The following AKNAD1 variants were observed in gnomAD, a reference collection of about 807,000 sequenced individuals.
The protein encoded by AKNAD1 is protein AKNAD1.
Under a neutral mutation model 90.8 loss-of-function variants are expected in AKNAD1, and 67 were observed. The observed-to-expected ratio is 0.74, with a 90% CI of 0.61 to 0.90. AKNAD1 has a LOEUF of 0.90. Among genes scored for constraint, AKNAD1 ranks in the 40% least tolerant of loss-of-function variants. The pLI is 0.00. For missense variants in AKNAD1, 957 were observed against 975.4 expected (o/e 0.98, Z 0.25); for synonymous variants, 327 against 341.4 (o/e 0.96, Z 0.46).
At chr1:108,841,484 GC>G (rs1315043530) in intron 6 of AKNAD1, among the ~76,000 whole-genome samples, 1 of 152,118 alleles carries the variant, frequency 6.6e-6, no homozygotes, top group African/African-American at 2.4e-5. Context: ...TGTGAAAGAA[GC>G]AAATTACTAT....
At chr1:108,842,365 A>T (rs1490338555) in intron 6 of AKNAD1, among the ~76,000 whole-genome samples, 5 of 152,246 alleles carry the variant, frequency 3.3e-5, no homozygotes, top group Non-Finnish European at 7.3e-5. Context: ...CTTTTAATTT[A>T]TACCAGGAAA....
intron 9 of AKNAD1, among the ~76,000 whole-genome samples, chr1:108,832,813 G>A (rs963739738): frequency 2.6e-5 from 4 of 152,120 alleles, no homozygotes; most frequent in African/African-American, 9.7e-5. Context: ...TTTGGCAAAA[G>A]TTGGAAAAAG....
At chr1:108,857,523 C>T (rs1002610484), upstream of AKNAD1, 2 of 152,612 alleles carry the variant, frequency 1.3e-5, no homozygotes, top group Admixed American at 1.3e-4. Context: ...TTCTTCTATT[C>T]GCTAAGCCCA....
intron 7 of AKNAD1, among the ~76,000 whole-genome samples, chr1:108,835,972 G>A (rs892302607): frequency 6.6e-6 from 1 of 152,166 alleles, no homozygotes; most frequent in African/African-American, 2.4e-5. Context: ...GCATCTTGAG[G>A]GCAGGTGATT....
chr1:108,832,334 C>T (rs1375612998), intron 9 of AKNAD1, among the ~76,000 whole-genome samples: 1 of 151,620 alleles, frequency 6.6e-6, no homozygotes, highest in East Asian at 1.9e-4. Flanking sequence ...ATTCTCCCAC[C>T]TCAGCCTCCC....
chr1:108,836,534 C>T (rs895474127), intron 7 of AKNAD1, among the ~76,000 whole-genome samples: 2 of 152,152 alleles, frequency 1.3e-5, no homozygotes, highest in African/African-American at 2.4e-5. Flanking sequence ...AATGACCTGA[C>T]GCTAGAGCTG....
chr1:108,845,774 G>A (rs943666671), intron 5 of AKNAD1, among the ~76,000 whole-genome samples: 2 of 152,160 alleles, frequency 1.3e-5, no homozygotes, highest in African/African-American at 4.8e-5. Context: ...TGTTGGACAA[G>A]GTAGAGTTTG....
rs1280445947 is a variant in AKNAD1 at position 108,852,339 on chromosome 1, A to C, written c.326T>G (p.Ile109Ser). ...AAGATGATGAAGTAAAATATCAGAA[A>C]TGCTTGACTTAGAAGCGTCTCCTTC... ...ANEGDASKSSISDILLHHLSK... is the reference protein window; with the variant it reads ...ANEGDASKSSSSDILLHHLSK... The change falls in exon 2 of 16, where the codon ATT becomes AGT. Residue 109 changes from isoleucine (I) to serine (S), a missense_variant. Physicochemically the swap from Ile to Ser is moderately radical, Grantham distance 142 (BLOSUM62 -2). Transcript: ENST00000370001. 6.2e-7 allele frequency: 1 copy of C among 1,614,168 alleles called. No homozygotes were observed. The highest frequency in any genetic ancestry group is 8.5e-7 in the Non-Finnish European group (1 of 1,180,018).
chr1:108,823,279 G>A, intron 13 of AKNAD1, 91 bp downstream of exon 13: 2 of 1,048,194 alleles, frequency 1.9e-6, no homozygotes, highest in Non-Finnish European at 3.0e-6. Context: ...GGGCTTCCCA[G>A]ATGGAAGCAG....
At chr1:108,853,415 G>A (rs1232895555) in intron 1 of AKNAD1, among the ~76,000 whole-genome samples, 1 of 151,704 alleles carries the variant, frequency 6.6e-6, no homozygotes. Context: ...ACAGGCGTGA[G>A]CCACCGCGCC....
At chr1:108,838,605 C>T (rs1369540836) in intron 6 of AKNAD1, among the ~76,000 whole-genome samples, 1 of 151,820 alleles carries the variant, frequency 6.6e-6, no homozygotes, top group Admixed American at 6.6e-5. Context: ...CATAAAATTA[C>T]TAGAAATAAA....
At chr1:108,834,244 G>A (rs549812018) in intron 9 of AKNAD1, among the ~76,000 whole-genome samples, 4 of 152,096 alleles carry the variant, frequency 2.6e-5, no homozygotes, top group Non-Finnish European at 4.4e-5. Context: ...GTCTAGGTAC[G>A]CCTGCCGAGA....
At chr1:108,850,277 C>T (rs750859833) in intron 2 of AKNAD1, among the ~76,000 whole-genome samples, 13 of 152,094 alleles carry the variant, frequency 8.5e-5, no homozygotes, top group East Asian at 1.9e-4. Context: ...AACTATATGA[C>T]GGATATGAAA....
At chr1:108,817,767 A>T (rs1017220685) in intron 14 of AKNAD1, among the ~76,000 whole-genome samples, 9 of 150,396 alleles carry the variant, frequency 6.0e-5, no homozygotes, top group Middle Eastern at 3.5e-3. Context: ...GGCCTCCCAA[A>T]GTGCTGGGAT....
chr1:108,834,542 A>G lies in AKNAD1; in HGVS notation c.1665-14T>C. ...CCGTTTAGGTAACTAATTTAAAAAA[A>G]AAAAAAGCAGTTTGAATGTTAGAAT... On this transcript the variant is annotated splice_polypyrimidine_tract_variant and intron_variant, in intron 8 of 15. Coordinates refer to ENST00000370001, the MANE Select transcript of AKNAD1 (RefSeq NM_152763.5). 6.3e-7 allele frequency: 1 copy of G among 1,583,132 alleles called. No homozygotes were observed. The highest frequency in any genetic ancestry group is 1.1e-5 in the South Asian group (1 of 87,006).
intron 14 of AKNAD1, among the ~76,000 whole-genome samples, chr1:108,819,920 A>C (rs9663065): frequency 0.039 from 289 of 7,458 alleles, 19 homozygotes; most frequent in Middle Eastern, 0.14. Flanking sequence ...AATTAACAGC[A>C]AAAAAAAAAA....
At chr1:108,827,169 GA>G in intron 11 of AKNAD1, 35 bp downstream of exon 11, 3 of 1,548,538 alleles carry the variant, frequency 1.9e-6, no homozygotes, top group East Asian at 2.3e-5. Flanking sequence ...GAGGGACACT[GA>G]AAAATGAGCA....
At chr1:108,855,745 C>T (rs79524034) in intron 1 of AKNAD1, among the ~76,000 whole-genome samples, 20,469 of 151,714 alleles carry the variant, frequency 0.13, 1,436 homozygotes, top group Middle Eastern at 0.16. Flanking sequence ...GAGATCATGC[C>T]GCTGTACTCC....
At chr1:108,856,349 T>C (rs745932611) in intron 1 of AKNAD1, among the ~76,000 whole-genome samples, 15 of 152,112 alleles carry the variant, frequency 9.9e-5, no homozygotes, top group Admixed American at 2.6e-4. Context: ...AATTCCCACT[T>C]TTAAAATATA....
Sources: allele counts gnomAD v4.1 joint callset (sites outside exome capture counted in the v4.1 genomes callset), GRCh38; gene constraint gnomAD v4.1.1; transcripts MANE v1.5; gene names NCBI Gene and HGNC (gene_info 2026-07-23, HGNC 2026-07-21).